The following CLTCL1 variants were observed in gnomAD, a reference collection of about 807,000 sequenced individuals.
CLTCL1 encodes the protein clathrin heavy chain 2.
In CLTCL1, 159 loss-of-function variants were observed where a neutral mutation model predicts 190.0. The observed-to-expected ratio is 0.84, with a 90% confidence interval of 0.74 to 0.95. The LOEUF (loss-of-function observed/expected upper bound fraction) is 0.95. CLTCL1 is among the 40% of genes least tolerant of loss of function. The pLI, the probability that CLTCL1 is intolerant of heterozygous loss-of-function variation, is 0.00. For synonymous variants in CLTCL1, 752 were observed against 769.6 expected (o/e 0.98, Z 0.38); for missense variants, 1,878 against 2,033.4 (o/e 0.92, Z 1.47).
chr22:19,285,655 G>C (rs2087881427), intron 1 of CLTCL1, among the ~76,000 whole-genome samples: 1 of 152,128 alleles, frequency 6.6e-6, no homozygotes, highest in South Asian at 2.1e-4. Context: ...TCATCTCTCT[G>C]GCATGGAGGC....
chr22:19,214,479 G>A (rs1489204721), intron 19 of CLTCL1, among the ~76,000 whole-genome samples: 2 of 151,870 alleles, frequency 1.3e-5, no homozygotes, highest in Non-Finnish European at 1.5e-5. Context: ...ATTTTTTGTT[G>A]GTTGTGTTGC....
At chr22:19,273,939 T>C (rs1265602058) in intron 2 of CLTCL1, among the ~76,000 whole-genome samples, 1 of 152,078 alleles carries the variant, frequency 6.6e-6, no homozygotes, top group Admixed American at 6.6e-5. Flanking sequence ...TTCCTGGTGG[T>C]CTTTGGCTGG....
chr22:19,243,317 G>A (rs2086313296), intron 3 of CLTCL1, among the ~76,000 whole-genome samples: 1 of 152,134 alleles, frequency 6.6e-6, no homozygotes, highest in African/African-American at 2.4e-5. Flanking sequence ...AAATTTCTAA[G>A]TAGCAAAAAT....
chr22:19,254,868 A>G (rs1302788287), intron 2 of CLTCL1, among the ~76,000 whole-genome samples: 4 of 152,260 alleles, frequency 2.6e-5, no homozygotes, highest in Non-Finnish European at 5.9e-5. Flanking sequence ...GCTAATGTCC[A>G]ATAGGGCAGT....
intron 3 of CLTCL1, among the ~76,000 whole-genome samples, chr22:19,246,514 T>C (rs1450862700): frequency 6.6e-6 from 1 of 151,944 alleles, no homozygotes; most frequent in African/African-American, 2.4e-5. Context: ...TTCGCTCTTG[T>C]TGCCCAGGCT....
rs1185124684 is a variant in CLTCL1 at position 19,239,467 on chromosome 22, G to A, written c.682-79C>T. 5.0e-6 allele frequency: 5 copies of A among 992,844 alleles called. No individual in the cohort carries two copies. In the African/African-American group the frequency reaches 6.4e-5, roughly 13 times the overall value. 61.5% of individuals were successfully genotyped at this position (992,844 alleles called of 1,614,324 possible). A position where few individuals can be genotyped will look rare whatever the true frequency, so the allele number is the denominator to read the frequency against. On this transcript the variant is annotated intron_variant, in intron 4 of 32. Coordinates refer to ENST00000427926, the MANE Select transcript of CLTCL1 (RefSeq NM_007098.4). ...TGCTAGTCAAGGCACAGAGGCAAGTGGAGCCTCAGCTCCACACACTGGATG... is the reference window on the plus strand; with the variant it reads ...TGCTAGTCAAGGCACAGAGGCAAGTAGAGCCTCAGCTCCACACACTGGATG...
chr22:19,210,593 C>T, intron 19 of CLTCL1, 84 bp from the exon 20 acceptor site: 1 of 1,213,996 alleles, frequency 8.2e-7, no homozygotes, highest in Non-Finnish European at 1.1e-6. Flanking sequence ...ATCCCCAGAC[C>T]CCCAGTTTTT....
chr22:19,262,028 T>G (rs945872748), intron 2 of CLTCL1, among the ~76,000 whole-genome samples: 3 of 151,936 alleles, frequency 2.0e-5, no homozygotes, highest in Non-Finnish European at 2.9e-5. Context: ...TATTTATTAT[T>G]TATTTATTTG....
At position 19,180,747 on chromosome 22, in the gene CLTCL1, AG is replaced by A. The variant is rs2084107743; in HGVS notation, c.4886del (p.Pro1629LeufsTer64). The A allele has an allele frequency of 1.2e-6, 2 of 1,613,646 alleles. No individual in the cohort carries two copies. Among genetic ancestry groups the A allele is most frequent in the Non-Finnish European group, 1.7e-6 (2 of 1,179,818 alleles). On this transcript the variant is annotated frameshift_variant, in exon 31 of 33. Coordinates refer to ENST00000427926, the MANE Select transcript of CLTCL1 (RefSeq NM_007098.4). LOFTEE classifies it high-confidence loss of function. ...LRKQEEHVTE[P>X]APLVFDFDGH... The stretch of plus-strand genomic sequence containing the variant: ...GCCACCTACCAAACACGAGAGGGGC[AG>A]GCTCTGTCACATGCTCCTCTTGCTT...
intron 2 of CLTCL1, among the ~76,000 whole-genome samples, chr22:19,261,452 C>T (rs2086947046): frequency 6.6e-6 from 1 of 152,206 alleles, no homozygotes; most frequent in Admixed American, 6.5e-5. Flanking sequence ...ATAAATATGT[C>T]TCCTTTGATG....
At chr22:19,222,325 C>T (rs2085598821) in intron 15 of CLTCL1, among the ~76,000 whole-genome samples, 2 of 152,114 alleles carry the variant, frequency 1.3e-5, no homozygotes, top group South Asian at 4.1e-4. Context: ...TGTAATGGGA[C>T]TAGTGTCCTT....
Position 19,239,395 on chromosome 22 carries a change from G to T in CLTCL1, c.682-7C>A. Reference sequence around the variant, plus strand: ...CAACTTCAATGATGTGCAACTAGAAGAGAGATTTTAGGTCAATCAAGGGGA... The same window carrying T: ...CAACTTCAATGATGTGCAACTAGAATAGAGATTTTAGGTCAATCAAGGGGA... On this transcript the variant is annotated splice_polypyrimidine_tract_variant and splice_region_variant and intron_variant, in intron 4 of 32. Transcript: ENST00000427926. The T allele has an allele frequency of 6.2e-7, 1 of 1,611,268 alleles. No individual in the cohort carries two copies. Among genetic ancestry groups the T allele is most frequent in the South Asian group, 1.1e-5 (1 of 91,026 alleles).
chr22:19,179,875 A>T lies in CLTCL1; in HGVS notation c.*115T>A, dbSNP rs1403269837. On this transcript the variant is annotated 3_prime_UTR_variant, in exon 33 of 33. Coordinates refer to ENST00000427926, the MANE Select transcript of CLTCL1 (RefSeq NM_007098.4). ...GGTAGGGTGGGTGGTGACAACGCCC[A>T]CTACACGCGGAAGTTGTACATTGGA... 2 of 381,312 alleles carry T rather than the reference A, an allele frequency of 5.2e-6. No homozygotes were observed. The highest frequency in any genetic ancestry group is 2.0e-5 in the African/African-American group (1 of 49,298). The allele number at this position is 381,312 out of a possible 1,614,324, so 23.6% of individuals were successfully genotyped here. A position where few individuals can be genotyped will look rare whatever the true frequency, so the allele number is the denominator to read the frequency against.
intron 1 of CLTCL1, among the ~76,000 whole-genome samples, chr22:19,289,251 G>A (rs5748102): frequency 6.6e-6 from 1 of 152,176 alleles, no homozygotes; most frequent in Non-Finnish European, 1.5e-5. Flanking sequence ...CCAAAGTGGT[G>A]GGATTACAGG....
intron 15 of CLTCL1, 57 bp from the exon 16 acceptor site, chr22:19,222,150 GCCT>G (rs782753886): frequency 1.7e-5 from 27 of 1,588,160 alleles, no homozygotes; most frequent in Non-Finnish European, 2.2e-5. Context: ...ATTGTTAGAA[GCCT>G]CCTACGACGT....
At chr22:19,250,560 T>TA (rs201378042) in intron 3 of CLTCL1, among the ~76,000 whole-genome samples, 87 of 100,746 alleles carry the variant, frequency 8.6e-4, no homozygotes, top group African/African-American at 2.9e-3. Context: ...TTTAACTTTT[T>TA]TAATTTTTTT....
intron 17 of CLTCL1, among the ~76,000 whole-genome samples, chr22:19,220,219 C>T (rs532443101): frequency 6.6e-6 from 1 of 152,270 alleles, no homozygotes; most frequent in African/African-American, 2.4e-5. Context: ...TCCAAGTTTA[C>T]AACAACTCCC....
chr22:19,193,367 G>C (rs1405942261), intron 26 of CLTCL1, among the ~76,000 whole-genome samples: 1 of 152,224 alleles, frequency 6.6e-6, no homozygotes, highest in Non-Finnish European at 1.5e-5. Flanking sequence ...GGGCTCAGCT[G>C]CTGGGATCTG....
In CLTCL1 at chr22:19,188,048, T is replaced by C. The variant is rs1555929357; in HGVS notation, c.4367A>G (p.Gln1456Arg). ...ATTCACACTCTTGTTGTTGTGGCTC[T>C]GGACTGACCGCAGGTAAGGCTTCAC... ...PLVKPYLRSV[Q>R]SHNNKSVNEA... Residue 1456 changes from glutamine to arginine, a missense_variant, in exon 28 of 33, where the codon CAG (glutamine) becomes CGG (arginine). Gln to Arg is a conservative substitution (Grantham distance 43). Coordinates refer to ENST00000427926, the MANE Select transcript of CLTCL1 (RefSeq NM_007098.4). 1 of 1,614,064 alleles carries C rather than the reference T, an allele frequency of 6.2e-7. No individual in the cohort carries two copies. The highest frequency in any genetic ancestry group is 1.7e-5 in the Admixed American group (1 of 60,036).
Sources: allele counts gnomAD v4.1 joint callset (sites outside exome capture counted in the v4.1 genomes callset), GRCh38; gene constraint gnomAD v4.1.1; transcripts MANE v1.5; gene names NCBI Gene and HGNC (gene_info 2026-07-23, HGNC 2026-07-21).